The following ZFPM2 variants were observed in gnomAD, a reference collection of about 807,000 sequenced individuals.
ZFPM2 encodes the protein zinc finger protein ZFPM2.
A neutral mutation model predicts 98.6 loss-of-function variants in ZFPM2; 20 were observed. That is an observed-to-expected ratio of 0.20 (90% confidence interval 0.14 to 0.29). The LOEUF is 0.29. Among genes scored for constraint, ZFPM2 ranks in the 10% least tolerant of loss-of-function variants. The pLI is 1.00. For synonymous variants in ZFPM2, 518 were observed against 502.7 expected (o/e 1.03, Z -0.41); for missense variants, 1,310 against 1,388.6 (o/e 0.94, Z 0.90).
At chr8:105,391,571 C>T (rs758840552) in intron 1 of ZFPM2, among the ~76,000 whole-genome samples, 5 of 151,664 alleles carry the variant, frequency 3.3e-5, no homozygotes, top group South Asian at 4.1e-4. Flanking sequence ...CCTACTTATG[C>T]GTCGTCAATA....
intron 1 of ZFPM2, chr8:105,358,574 C>T (rs1812794148): frequency 2.0e-5 from 3 of 152,192 alleles, no homozygotes; most frequent in African/African-American, 7.2e-5. Flanking sequence ...GCCTCAGACC[C>T]ACTGACACAG....
chr8:105,559,113 G>C (rs912693193), intron 3 of ZFPM2, among the ~76,000 whole-genome samples: 2 of 151,976 alleles, frequency 1.3e-5, no homozygotes, highest in Admixed American at 6.6e-5. Context: ...TTCTATAAAG[G>C]GTCTGTCATT....
intron 3 of ZFPM2, among the ~76,000 whole-genome samples, chr8:105,479,675 A>G (rs1209466394): frequency 6.6e-6 from 1 of 152,208 alleles, no homozygotes; most frequent in Non-Finnish European, 1.5e-5. Context: ...TTTGCAGCTC[A>G]TTGGCTTGTT....
intron 5 of ZFPM2, among the ~76,000 whole-genome samples, chr8:105,660,656 T>G: frequency 6.6e-6 from 1 of 152,182 alleles, no homozygotes; most frequent in East Asian, 1.9e-4. Flanking sequence ...TGCTCTTCTT[T>G]AATAACTATG....
intron 3 of ZFPM2, among the ~76,000 whole-genome samples, chr8:105,472,684 T>A (rs1297308813): frequency 2.6e-5 from 4 of 151,690 alleles, no homozygotes; most frequent in Non-Finnish European, 4.4e-5. Context: ...TTTTTTTGTA[T>A]TTTTTATTAG....
chr8:105,349,387 A>G (rs892319122), intron 1 of ZFPM2, among the ~76,000 whole-genome samples: 1 of 152,218 alleles, frequency 6.6e-6, no homozygotes, highest in African/African-American at 2.4e-5. Flanking sequence ...TACAAACCTT[A>G]TAACAAAGAA....
At chr8:105,750,781 G>C (rs1456736615) in intron 5 of ZFPM2, among the ~76,000 whole-genome samples, 1 of 152,054 alleles carries the variant, frequency 6.6e-6, no homozygotes, top group African/African-American at 2.4e-5. Flanking sequence ...GAAAATTGGT[G>C]AAATCTACCT....
At chr8:105,674,652 C>G (rs1447284388) in intron 5 of ZFPM2, among the ~76,000 whole-genome samples, 2 of 152,062 alleles carry the variant, frequency 1.3e-5, no homozygotes, top group East Asian at 3.9e-4. Context: ...AATAGAAATA[C>G]ATTAAGTGTT....
chr8:105,801,371 A>C lies in ZFPM2; in HGVS notation c.1289A>C (p.Lys430Thr), dbSNP rs1814006238. The C allele has an allele frequency of 6.2e-7, 1 of 1,613,814 alleles. No individual in the cohort carries two copies. ...LPQSQKAMQT[K>T]DASSDTELDK... ...CAGAGCCAAAAGGCCATGCAGACTA[A>C]AGATGCGAGCTCTGACACAGAGCTG... The change falls in exon 8 of 8, where the codon AAA becomes ACA. Residue 430 changes from lysine (K) to threonine (T), a missense_variant. Physicochemically the swap from Lys to Thr is moderately conservative, Grantham distance 78. Transcript: ENST00000407775.
At chr8:105,704,848 C>A (rs1407020873) in intron 5 of ZFPM2, among the ~76,000 whole-genome samples, 1 of 152,134 alleles carries the variant, frequency 6.6e-6, no homozygotes, top group Non-Finnish European at 1.5e-5. Context: ...TCCTTCTTGA[C>A]CATTTAGTTC....
At chr8:105,754,020 A>G (rs1812535647) in intron 5 of ZFPM2, among the ~76,000 whole-genome samples, 1 of 152,154 alleles carries the variant, frequency 6.6e-6, no homozygotes, top group African/African-American at 2.4e-5. Flanking sequence ...TCGCTGCTTA[A>G]TATTTTTCCC....
In ZFPM2 at chr8:105,419,261, A is replaced by G; in HGVS notation, c.158A>G (p.Glu53Gly). 1.2e-6 allele frequency: 2 copies of G among 1,613,668 alleles called. No individual in the cohort carries two copies. The highest frequency in any genetic ancestry group is 2.7e-5 in the African/African-American group (2 of 75,050). Residue 53 changes from glutamate to glycine, a missense_variant, in exon 2 of 8, where the codon GAA becomes GGA. Glu to Gly is a moderately conservative substitution (Grantham distance 98). Coordinates refer to ENST00000407775, the MANE Select transcript of ZFPM2 (RefSeq NM_012082.4). The stretch of plus-strand genomic sequence containing the variant: ...AGCTTTTCCACAGAATTTGGGCCTG[A>G]AAATCTGAGCTGCGAAGAAGTGGAA... ...EESFSTEFGPENLSCEEVEYF... is the reference protein window; with the variant it reads ...EESFSTEFGPGNLSCEEVEYF...
At chr8:105,394,825 T>C (rs1811189429) in intron 1 of ZFPM2, among the ~76,000 whole-genome samples, 1 of 152,214 alleles carries the variant, frequency 6.6e-6, no homozygotes, top group African/African-American at 2.4e-5. Flanking sequence ...GTAGTATTTT[T>C]CATGCCTTCA....
intron 1 of ZFPM2, among the ~76,000 whole-genome samples, chr8:105,329,148 G>T (rs1417056262): frequency 1.3e-5 from 2 of 151,834 alleles, no homozygotes; most frequent in Admixed American, 1.3e-4. Flanking sequence ...AAACCTGATT[G>T]ATTGATGTCT....
intron 5 of ZFPM2, among the ~76,000 whole-genome samples, chr8:105,726,983 T>G (rs906631848): frequency 5.3e-5 from 8 of 151,638 alleles, no homozygotes; most frequent in Non-Finnish European, 1.0e-4. Context: ...AGTCACAAAG[T>G]GTATAGTGAT....
At chr8:105,691,231 CTTTTTTTTTTTTTTTT>C (rs869164122) in intron 5 of ZFPM2, among the ~76,000 whole-genome samples, 1 of 67,964 alleles carries the variant, frequency 1.5e-5, no homozygotes, top group Admixed American at 1.6e-4. Context: ...CCCAAAGAGA[CTTTTTTTTTTTTTTTT>C]TTTTTTTTTT....
chr8:105,745,148 G>A (rs907273089), intron 5 of ZFPM2, among the ~76,000 whole-genome samples: 5 of 152,090 alleles, frequency 3.3e-5, no homozygotes, highest in African/African-American at 9.7e-5. Context: ...CTGTATTACA[G>A]TATTGGCTAT....
chr8:105,614,089 C>T (rs1291383373), intron 4 of ZFPM2, among the ~76,000 whole-genome samples: 1 of 152,144 alleles, frequency 6.6e-6, no homozygotes, highest in African/African-American at 2.4e-5. Flanking sequence ...TAATTACCTT[C>T]AACACATCTC....
chr8:105,318,906 A>T lies in ZFPM2; in HGVS notation c.-36A>T. 6.0e-6 allele frequency: 8 copies of T among 1,324,390 alleles called. No homozygotes were observed. Among genetic ancestry groups the T allele is most frequent in the Non-Finnish European group, 7.9e-6 (8 of 1,014,224 alleles). 82.0% of individuals were successfully genotyped at this position (1,324,390 alleles called of 1,614,324 possible). ...GGGAGCGGCAGCCGCGACCGCGGGC[A>T]CCGCGGGAGCCCCAGCGGCAGCAGC... On this transcript the variant is annotated 5_prime_UTR_variant, in exon 1 of 8. Coordinates refer to ENST00000407775, the MANE Select transcript of ZFPM2 (RefSeq NM_012082.4).
Sources: allele counts gnomAD v4.1 joint callset (sites outside exome capture counted in the v4.1 genomes callset), GRCh38; gene constraint gnomAD v4.1.1; transcripts MANE v1.5; gene names NCBI Gene and HGNC (gene_info 2026-07-23, HGNC 2026-07-21).